The following CEP112 variants were observed in gnomAD, a reference collection of about 807,000 sequenced individuals.
CEP112 encodes the protein centrosomal protein of 112 kDa.
A neutral mutation model predicts 153.0 loss-of-function variants in CEP112; 127 were observed. That is an observed-to-expected ratio of 0.83 (90% CI 0.72 to 0.96). The LOEUF is 0.96. Among genes scored for constraint, CEP112 ranks in the 40% least tolerant of loss-of-function variants. CEP112 has a pLI of 0.00. For synonymous variants in CEP112, 358 were observed against 374.4 expected, an observed-to-expected ratio of 0.96 and a Z score of 0.51; for missense variants, 1,089 against 1,101.2, an observed-to-expected ratio of 0.99 and a Z score of 0.16.
At chr17:65,969,980 T>C (rs2062601532) in intron 17 of CEP112, among the ~76,000 whole-genome samples, 1 of 152,178 alleles carries the variant, frequency 6.6e-6, no homozygotes, top group Admixed American at 6.5e-5. Context: ...AACATGCATA[T>C]CACACGCATG....
At chr17:66,115,765 T>C (rs1298197323) in intron 6 of CEP112, among the ~76,000 whole-genome samples, 1 of 152,200 alleles carries the variant, frequency 6.6e-6, no homozygotes, top group South Asian at 2.1e-4. Flanking sequence ...CTGAGATTGA[T>C]CTCCCATCTC....
intron 21 of CEP112, among the ~76,000 whole-genome samples, chr17:65,776,199 C>T (rs2053664485): frequency 6.6e-6 from 1 of 152,218 alleles, no homozygotes. Flanking sequence ...CTGCTCTATT[C>T]AAAGGGACTG....
intron 21 of CEP112, among the ~76,000 whole-genome samples, chr17:65,800,324 C>T (rs946365847): frequency 1.3e-5 from 2 of 152,026 alleles, no homozygotes; most frequent in Non-Finnish European, 2.9e-5. Context: ...ACGGATTTGT[C>T]TATTCTGAAC....
At chr17:65,873,347 A>G (rs529860509) in intron 20 of CEP112, among the ~76,000 whole-genome samples, 2 of 152,282 alleles carry the variant, frequency 1.3e-5, no homozygotes, top group South Asian at 4.1e-4. Flanking sequence ...GACTTTCGGT[A>G]ATTATGTTCT....
At chr17:66,107,501 C>G (rs2146349773) in intron 6 of CEP112, among the ~76,000 whole-genome samples, 1 of 152,006 alleles carries the variant, frequency 6.6e-6, no homozygotes, top group Non-Finnish European at 1.5e-5. Context: ...ATGCCAACTG[C>G]AAACAACCTG....
At chr17:66,027,380 A>AAG in intron 16 of CEP112, 121 bp downstream of exon 16, 1 of 1,002,902 alleles carries the variant, frequency 1.0e-6, no homozygotes, top group East Asian at 5.4e-5. Context: ...CTGTCTAAAA[A>AAG]AAAAGACAAA....
At chr17:65,792,402 T>C (rs551807169) in intron 21 of CEP112, among the ~76,000 whole-genome samples, 19 of 152,274 alleles carry the variant, frequency 1.2e-4, no homozygotes, top group Non-Finnish European at 2.5e-4. Flanking sequence ...TGAAGGAGAT[T>C]TTTATTCCTT....
intron 1 of CEP112, among the ~76,000 whole-genome samples, chr17:66,187,988 A>G (rs2073000725): frequency 6.6e-6 from 1 of 152,034 alleles, no homozygotes; most frequent in African/African-American, 2.4e-5. Flanking sequence ...ATGCTGAGAA[A>G]TATCTCAAAA....
chr17:65,950,699 C>CTAGTAG (rs111958511), intron 18 of CEP112, among the ~76,000 whole-genome samples: 3,035 of 147,140 alleles, frequency 0.021, 37 homozygotes, highest in African/African-American at 0.031. Context: ...GGATACATTA[C>CTAGTAG]TAGTAGTAGT....
chr17:66,127,107 T>C (rs1274952323), intron 6 of CEP112, among the ~76,000 whole-genome samples: 1 of 152,174 alleles, frequency 6.6e-6, no homozygotes, highest in African/African-American at 2.4e-5. Flanking sequence ...CTTTGAACAA[T>C]AAAAATGTGA....
chr17:65,889,260 T>C (rs1307309450), intron 20 of CEP112, among the ~76,000 whole-genome samples: 1 of 152,148 alleles, frequency 6.6e-6, no homozygotes, highest in Non-Finnish European at 1.5e-5. Context: ...GACTCCCTGA[T>C]CTCACAGCCC....
At chr17:66,187,889 C>T (rs2072997377) in intron 1 of CEP112, among the ~76,000 whole-genome samples, 1 of 152,162 alleles carries the variant, frequency 6.6e-6, no homozygotes, top group South Asian at 2.1e-4. Flanking sequence ...ATGTACTCTG[C>T]TTGATGACAT....
chr17:65,877,379 C>G (rs986776923), intron 20 of CEP112, among the ~76,000 whole-genome samples: 1 of 151,848 alleles, frequency 6.6e-6, no homozygotes, highest in African/African-American at 2.4e-5. Context: ...TGTAGACTCC[C>G]TTTCTTTGGT....
chr17:66,004,429 T>C (rs1230999629), intron 17 of CEP112, among the ~76,000 whole-genome samples: 1 of 151,802 alleles, frequency 6.6e-6, no homozygotes, highest in African/African-American at 2.4e-5. Context: ...AGGCGGAGGG[T>C]GCAGTGAGCC....
chr17:65,774,105 C>T (rs563834829), intron 21 of CEP112, among the ~76,000 whole-genome samples: 3 of 143,794 alleles, frequency 2.1e-5, no homozygotes, highest in East Asian at 4.3e-4. Flanking sequence ...AAAAAAAGTC[C>T]ATTTTTGGAT....
chr17:66,024,550 C>T (rs1256661735), intron 16 of CEP112, among the ~76,000 whole-genome samples: 2 of 147,528 alleles, frequency 1.4e-5, no homozygotes, highest in African/African-American at 4.9e-5. Context: ...AATCAAGAAG[C>T]AATCCCATTT....
chr17:66,140,666 T>C (rs907571678), intron 4 of CEP112, among the ~76,000 whole-genome samples: 2 of 152,044 alleles, frequency 1.3e-5, no homozygotes, highest in Non-Finnish European at 2.9e-5. Flanking sequence ...CATTTACTGT[T>C]ATTTTTGCTC....
intron 4 of CEP112, among the ~76,000 whole-genome samples, chr17:66,164,329 G>A (rs895265132): frequency 5.5e-5 from 8 of 145,610 alleles, no homozygotes; most frequent in African/African-American, 1.8e-4. Context: ...AGGCCAAGGC[G>A]GGAGGACCAT....
At chr17:65,800,312 C>A (rs371290521) in intron 21 of CEP112, among the ~76,000 whole-genome samples, 6 of 152,040 alleles carry the variant, frequency 3.9e-5, no homozygotes, top group African/African-American at 9.7e-5. Flanking sequence ...CATTCTGTTT[C>A]TACGGATTTG....
Sources: allele counts gnomAD v4.1 joint callset (sites outside exome capture counted in the v4.1 genomes callset), GRCh38; gene constraint gnomAD v4.1.1; transcripts MANE v1.5; gene names NCBI Gene and HGNC (gene_info 2026-07-23, HGNC 2026-07-21).